ANGPT1: variants seen among roughly 807,000 people sequenced by gnomAD.
ANGPT1 encodes angiopoietin 1, also known as angiopoietin-1.
Under a neutral mutation model 62.2 loss-of-function variants are expected in ANGPT1, and 17 were observed. That is an observed-to-expected ratio of 0.27 (90% CI 0.19 to 0.41). The LOEUF (loss-of-function observed/expected upper bound fraction) is 0.41. Among genes scored for constraint, ANGPT1 ranks in the 10% least tolerant of loss-of-function variants. The probability of loss-of-function intolerance (pLI) is 1.00; values close to 1 mark genes in which losing one functional copy is unlikely to be tolerated. For synonymous variants in ANGPT1, 199 were observed against 198.9 expected, an observed-to-expected ratio of 1.00 and a Z score of 0.00; for missense variants, 478 against 594.9, an observed-to-expected ratio of 0.80 and a Z score of 2.04.
At position 107,434,929 on chromosome 8, in the gene ANGPT1, T is replaced by C. The variant is rs557590204; in HGVS notation, c.297+62333A>G. Among the ~76,000 whole-genome samples, 3 of 152,352 alleles carry C rather than the reference T, an allele frequency of 2.0e-5. No individual in the cohort carries two copies. In the East Asian group the frequency reaches 5.8e-4, roughly 29 times the overall value. ...GCAGTCAAATTCATTCAAAAATCAC[T>C]TTTATTTAGTGAAGTGTGAATGAAA... On this transcript the variant is annotated intron_variant, in intron 1 of 8. Coordinates refer to ENST00000517746, the MANE Select transcript of ANGPT1 (RefSeq NM_001146.5).
intron 1 of ANGPT1, among the ~76,000 whole-genome samples, chr8:107,456,414 TG>T (rs971183956): frequency 6.6e-6 from 1 of 152,202 alleles, no homozygotes; most frequent in African/African-American, 2.4e-5. Context: ...AAAATTGAGA[TG>T]TAGAGAAGGT....
chr8:107,385,763 G>T (rs779713039), intron 1 of ANGPT1, among the ~76,000 whole-genome samples: 1 of 151,922 alleles, frequency 6.6e-6, no homozygotes, highest in African/African-American at 2.4e-5. Context: ...TGTTGCTGTG[G>T]GTTTGTCATA....
intron 7 of ANGPT1, among the ~76,000 whole-genome samples, chr8:107,271,901 T>C (rs1335135544): frequency 3.1e-5 from 3 of 96,508 alleles, no homozygotes; most frequent in South Asian, 6.4e-4. Flanking sequence ...TAATTGATAC[T>C]GGTAAAAAAA....
intron 6 of ANGPT1, among the ~76,000 whole-genome samples, chr8:107,286,693 T>C (rs1048916179): frequency 6.6e-6 from 1 of 152,172 alleles, no homozygotes; most frequent in Non-Finnish European, 1.5e-5. Context: ...GCATTGAGTA[T>C]ATACTCTTCT....
At chr8:107,375,846 G>A (rs1240151094) in intron 1 of ANGPT1, among the ~76,000 whole-genome samples, 1 of 152,160 alleles carries the variant, frequency 6.6e-6, no homozygotes, top group Non-Finnish European at 1.5e-5. Flanking sequence ...CCAGAGAAAG[G>A]GCCGTGTTCC....
At chr8:107,405,282 G>A (rs916625497) in intron 1 of ANGPT1, among the ~76,000 whole-genome samples, 1 of 151,814 alleles carries the variant, frequency 6.6e-6, no homozygotes, top group Admixed American at 6.6e-5. Context: ...TATAAATTGA[G>A]ATCGTACTCT....
At chr8:107,445,529 CT>C (rs1026927767) in intron 1 of ANGPT1, among the ~76,000 whole-genome samples, 2 of 151,758 alleles carry the variant, frequency 1.3e-5, no homozygotes, top group African/African-American at 2.4e-5. Context: ...GGACCTCCTA[CT>C]TTTTTTTTCC....
chr8:107,339,150 A>G (rs904540144), intron 2 of ANGPT1, among the ~76,000 whole-genome samples: 1 of 152,154 alleles, frequency 6.6e-6, no homozygotes, highest in Non-Finnish European at 1.5e-5. Flanking sequence ...GGAGACCACT[A>G]CAGTTCCCAG....
At position 107,322,796 on chromosome 8, in the gene ANGPT1, A is replaced by G. The variant is rs1483033549; in HGVS notation, c.576-668T>C. 6.1e-5 allele frequency: 16 copies of G among 262,830 alleles called. 1 individual carries two copies. The East Asian group carries it at 9.4e-4, about 15-fold the overall frequency. 16.3% of individuals were successfully genotyped at this position (262,830 alleles called of 1,614,324 possible). ...TGCTCAAAATATGTTAGGTGAAAAA[A>G]GAAAAAACAGCAATATACATTCTCA... On this transcript the variant is annotated intron_variant, in intron 3 of 8. Coordinates refer to ENST00000517746, the MANE Select transcript of ANGPT1 (RefSeq NM_001146.5).
chr8:107,380,134 G>GCT (rs79444593), intron 1 of ANGPT1, among the ~76,000 whole-genome samples: 77,958 of 151,766 alleles, frequency 0.51, 20,096 homozygotes, highest in Admixed American at 0.58. Context: ...AATACAAATA[G>GCT]AGGAAAAATT....
chr8:107,494,318 A>G (rs1399362283), intron 1 of ANGPT1, among the ~76,000 whole-genome samples: 2 of 152,320 alleles, frequency 1.3e-5, no homozygotes, highest in Non-Finnish European at 2.9e-5. Context: ...ATAGAGAGGT[A>G]GGGAGAGATC....
At chr8:107,365,012 C>G (rs1816244198) in intron 1 of ANGPT1, among the ~76,000 whole-genome samples, 1 of 152,082 alleles carries the variant, frequency 6.6e-6, no homozygotes, top group Non-Finnish European at 1.5e-5. Context: ...AACACAACTA[C>G]CTGAACATCT....
intron 1 of ANGPT1, among the ~76,000 whole-genome samples, chr8:107,417,010 C>T (rs1810769155): frequency 6.6e-6 from 1 of 151,970 alleles, no homozygotes; most frequent in African/African-American, 2.4e-5. Context: ...AGGATGGCCT[C>T]AAATTCCTGA....
chr8:107,274,909 G>C (rs575930237), intron 7 of ANGPT1, among the ~76,000 whole-genome samples: 1 of 152,040 alleles, frequency 6.6e-6, no homozygotes, highest in African/African-American at 2.4e-5. Context: ...TAATAATAGG[G>C]AACAGCAATT....
At chr8:107,450,184 G>A (rs16876309) in intron 1 of ANGPT1, among the ~76,000 whole-genome samples, 5,901 of 152,088 alleles carry the variant, frequency 0.039, 352 homozygotes, top group African/African-American at 0.13. Flanking sequence ...GGTATTGTTG[G>A]AAAAGGCTTG....
intron 1 of ANGPT1, among the ~76,000 whole-genome samples, chr8:107,424,043 G>A (rs1382980935): frequency 6.6e-6 from 1 of 151,506 alleles, no homozygotes; most frequent in Non-Finnish European, 1.5e-5. Context: ...GTTTCACCAT[G>A]TTGGCTAGAC....
intron 4 of ANGPT1, among the ~76,000 whole-genome samples, chr8:107,321,191 G>C (rs2130059554): frequency 6.6e-6 from 1 of 152,082 alleles, no homozygotes; most frequent in South Asian, 2.1e-4. Flanking sequence ...ATAGACAGAT[G>C]TATGCCTTCT....
intron 1 of ANGPT1, among the ~76,000 whole-genome samples, chr8:107,450,635 A>C (rs936287633): frequency 6.6e-6 from 1 of 151,814 alleles, no homozygotes; most frequent in Non-Finnish European, 1.5e-5. Context: ...TTAAGAAAAA[A>C]GTTCTGAAAA....
Position 107,451,884 on chromosome 8 carries a change from T to C in ANGPT1, c.297+45378A>G, listed in dbSNP as rs539759029. 2.6e-5 allele frequency among the ~76,000 whole-genome samples: 4 copies of C among 152,128 alleles called. No homozygotes were observed. The South Asian group carries it at 8.3e-4, about 32-fold the overall frequency. On this transcript the variant is annotated intron_variant, in intron 1 of 8. Coordinates refer to ENST00000517746, the MANE Select transcript of ANGPT1 (RefSeq NM_001146.5). ...CAGAACTCTTAGTTTAATTTTTGAT[T>C]CACCATCAGCAATTTTAAAGGACTA...
Sources: allele counts gnomAD v4.1 joint callset (sites outside exome capture counted in the v4.1 genomes callset), GRCh38; gene constraint gnomAD v4.1.1; transcripts MANE v1.5; gene names NCBI Gene and HGNC (gene_info 2026-07-23, HGNC 2026-07-21).